Variants in SERTAD2 observed in about 807,000 individuals in gnomAD.
SERTAD2 encodes SERTA domain containing 2.
Under a neutral mutation model 15.4 loss-of-function variants are expected in SERTAD2, and 2 were observed. The ratio of observed to expected loss-of-function variants is 0.13; its 90% CI spans 0.05 to 0.41. The LOEUF (loss-of-function observed/expected upper bound fraction) is 0.41, where lower values mean the gene tolerates loss of function less well. Among genes scored for constraint, SERTAD2 ranks in the 10% least tolerant of loss-of-function variants. The pLI, the probability that SERTAD2 is intolerant of heterozygous loss-of-function variation, is 0.99. For missense variants in SERTAD2, 333 were observed against 409.7 expected (o/e 0.81, Z 1.62); for synonymous variants, 180 against 178.0 (o/e 1.01, Z -0.09).
intron 1 of SERTAD2, among the ~76,000 whole-genome samples, chr2:64,638,182 A>G (rs142416099): frequency 7.9e-5 from 12 of 152,344 alleles, no homozygotes; most frequent in African/African-American, 2.9e-4. Context: ...CTTCATATAC[A>G]GGCAACTGCT....
chr2:64,639,226 T>C, intron 1 of SERTAD2, among the ~76,000 whole-genome samples: 1 of 152,244 alleles, frequency 6.6e-6, no homozygotes, highest in East Asian at 1.9e-4. Context: ...GGTGCCTGTC[T>C]GCGAACTGTT....
chr2:64,638,049 G>A (rs998855402), intron 1 of SERTAD2, among the ~76,000 whole-genome samples: 4 of 152,122 alleles, frequency 2.6e-5, no homozygotes, highest in Admixed American at 6.5e-5. Context: ...TTTGGTGTTC[G>A]GACCAGGATC....
Position 64,636,252 on chromosome 2 carries a change from T to G in SERTAD2, c.620A>C (p.Lys207Thr), listed in dbSNP as rs749225156. ...KGTSSEAGTQ[K>T]LDGPQESRAD... Reference sequence around the variant, plus strand: ...GCGGCTCTCTTGAGGACCGTCGAGTTTCTGGGTGCCAGCCTCGCTGGAGGT... The same window carrying G: ...GCGGCTCTCTTGAGGACCGTCGAGTGTCTGGGTGCCAGCCTCGCTGGAGGT... The change falls in exon 2 of 2, where the codon AAA (lysine) becomes ACA (threonine). Residue 207 changes from lysine to threonine, a missense_variant. Coordinates refer to ENST00000313349, the MANE Select transcript of SERTAD2 (RefSeq NM_014755.3). The G allele has an allele frequency of 5.6e-6, 9 of 1,614,150 alleles. No homozygotes were observed. The Admixed American group carries it at 1.3e-4, about 24-fold the overall frequency.
At chr2:64,646,013 G>T (rs76167555) in intron 1 of SERTAD2, among the ~76,000 whole-genome samples, 25 of 152,174 alleles carry the variant, frequency 1.6e-4, no homozygotes, top group African/African-American at 5.8e-4. Flanking sequence ...TAAGGAAAAA[G>T]GATTACTTGG....
At chr2:64,648,379 A>C (rs1674947805) in intron 1 of SERTAD2, among the ~76,000 whole-genome samples, 2 of 152,230 alleles carry the variant, frequency 1.3e-5, no homozygotes, top group Admixed American at 1.3e-4. Flanking sequence ...GGCAATGAGG[A>C]TACAACTAAA....
In SERTAD2 at chr2:64,635,440, T is replaced by A. The variant is rs1674636851; in HGVS notation, c.*487A>T. The A allele has an allele frequency of 1.3e-5, 2 of 153,498 alleles. No homozygotes were observed. The allele number at this position is 153,498 out of a possible 1,614,324, so 9.5% of individuals were successfully genotyped here. A position where few individuals can be genotyped will look rare whatever the true frequency, so the allele number is the denominator to read the frequency against. ...TAAATGCAACACTTACGAGGAGTAGTTAATGCCTCTAAAAAGGCCGAATTG... is the reference window on the plus strand; with the variant it reads ...TAAATGCAACACTTACGAGGAGTAGATAATGCCTCTAAAAAGGCCGAATTG... On this transcript the variant is annotated 3_prime_UTR_variant, in exon 2 of 2. Coordinates refer to ENST00000313349, the MANE Select transcript of SERTAD2 (RefSeq NM_014755.3).
intron 1 of SERTAD2, among the ~76,000 whole-genome samples, chr2:64,642,724 G>C (rs961633678): frequency 6.6e-6 from 1 of 152,192 alleles, no homozygotes; most frequent in African/African-American, 2.4e-5. Context: ...CCTGGGTTGG[G>C]GGGGCAGGGG....
At chr2:64,652,724 G>A (rs1425749513) in intron 1 of SERTAD2, among the ~76,000 whole-genome samples, 2 of 152,102 alleles carry the variant, frequency 1.3e-5, no homozygotes, top group Non-Finnish European at 2.9e-5. Flanking sequence ...CTCCTGAAAC[G>A]ACTCGGCTTG....
intron 1 of SERTAD2, 37 bp downstream of exon 1, chr2:64,653,583 C>A: frequency 6.5e-6 from 1 of 152,944 alleles, no homozygotes; most frequent in Non-Finnish European, 1.5e-5. Context: ...CCCCCGCGCC[C>A]GCGGATCCCC....
chr2:64,637,715 TA>T (rs370903872), intron 1 of SERTAD2, among the ~76,000 whole-genome samples: 171 of 152,316 alleles, frequency 1.1e-3, no homozygotes, highest in African/African-American at 3.2e-3. Flanking sequence ...GATACATGCA[TA>T]TTTTGAGGAA....
Position 64,634,245 on chromosome 2 carries a change from G to GA in SERTAD2, c.*1681dup, listed in dbSNP as rs1674603253. 6.6e-6 allele frequency: 1 copy of GA among 151,978 alleles called. No homozygotes were observed. Among genetic ancestry groups the GA allele is most frequent in the Admixed American group, 6.6e-5 (1 of 15,258 alleles). 9.4% of individuals were successfully genotyped at this position (151,978 alleles called of 1,614,324 possible). On this transcript the variant is annotated 3_prime_UTR_variant, in exon 2 of 2. Transcript: ENST00000313349. The stretch of plus-strand genomic sequence containing the variant: ...CAGCTAAAGTACCATTGGAAGAAAA[G>GA]AAAAAACTGAAACAAGAAGGCCATA...
chr2:64,632,975 G>A lies in SERTAD2; in HGVS notation c.*2952C>T, dbSNP rs183689959. ...CAGTGTCAATAACTGTCCTCTCCCA[G>A]CCCCAGCTCGGTTTTCTCGTAAAGG... On this transcript the variant is annotated 3_prime_UTR_variant, in exon 2 of 2. Transcript: ENST00000313349. 6.5e-6 allele frequency: 1 copy of A among 152,684 alleles called. No homozygotes were observed. Among genetic ancestry groups the A allele is most frequent in the East Asian group, 1.9e-4 (1 of 5,186 alleles). 9.5% of individuals were successfully genotyped at this position (152,684 alleles called of 1,614,324 possible).
At chr2:64,641,800 A>G (rs1017887458) in intron 1 of SERTAD2, among the ~76,000 whole-genome samples, 1 of 152,182 alleles carries the variant, frequency 6.6e-6, no homozygotes, top group African/African-American at 2.4e-5. Context: ...TAGGCAGGAA[A>G]GCTCCAGCTG....
chr2:64,639,898 C>T (rs1481466389), intron 1 of SERTAD2, among the ~76,000 whole-genome samples: 1 of 152,292 alleles, frequency 6.6e-6, no homozygotes, highest in South Asian at 2.1e-4. Context: ...CCTGATAAGA[C>T]ATCTGTAATG....
chr2:64,646,265 G>A (rs1051049723), intron 1 of SERTAD2, among the ~76,000 whole-genome samples: 2 of 152,070 alleles, frequency 1.3e-5, no homozygotes, highest in African/African-American at 4.8e-5. Flanking sequence ...TTTTACTTTT[G>A]AATGTGTTTG....
intron 1 of SERTAD2, among the ~76,000 whole-genome samples, chr2:64,639,299 T>A (rs1674722225): frequency 6.6e-6 from 1 of 152,266 alleles, no homozygotes; most frequent in Admixed American, 6.5e-5. Flanking sequence ...CTACAGCAAA[T>A]TTACACAGTA....
chr2:64,641,144 G>A (rs1468879258), intron 1 of SERTAD2, among the ~76,000 whole-genome samples: 1 of 152,168 alleles, frequency 6.6e-6, no homozygotes, highest in Non-Finnish European at 1.5e-5. Flanking sequence ...ACACAACTCT[G>A]TACATGAAAA....
rs578202998 is a variant in SERTAD2, at chr2:64,652,352, A to G, written c.-5+1268T>C. ...AACTACCCCCAACCCCCATCGGCCA[A>G]GCAGCCCAGACGCTCTCAGGTGGAC... On this transcript the variant is annotated intron_variant, in intron 1 of 1. Transcript: ENST00000313349. 3.3e-5 allele frequency among the ~76,000 whole-genome samples: 5 copies of G among 152,222 alleles called. No individual in the cohort carries two copies. The East Asian group carries it at 9.7e-4, about 29-fold the overall frequency.
Position 64,635,800 on chromosome 2 carries a change from A to G in SERTAD2, c.*127T>C, listed in dbSNP as rs1032688259. 1.4e-6 allele frequency: 1 copy of G among 716,012 alleles called. No individual in the cohort carries two copies. Among genetic ancestry groups the G allele is most frequent in the African/African-American group, 1.8e-5 (1 of 55,906 alleles). 44.4% of individuals were successfully genotyped at this position (716,012 alleles called of 1,614,324 possible). ...TCTGCTCAAAGCAAAAACTAGTGTGATCCTGTTGTAAAATTTTCTTTTTCT... is the reference window on the plus strand; with the variant it reads ...TCTGCTCAAAGCAAAAACTAGTGTGGTCCTGTTGTAAAATTTTCTTTTTCT... On this transcript the variant is annotated 3_prime_UTR_variant, in exon 2 of 2. Coordinates refer to ENST00000313349, the MANE Select transcript of SERTAD2 (RefSeq NM_014755.3).
Sources: allele counts gnomAD v4.1 joint callset (sites outside exome capture counted in the v4.1 genomes callset), GRCh38; gene constraint gnomAD v4.1.1; transcripts MANE v1.5; gene names NCBI Gene and HGNC (gene_info 2026-07-23, HGNC 2026-07-21).